ATP13A5: variants seen among roughly 807,000 people sequenced by gnomAD.
ATP13A5 encodes the protein probable cation-transporting ATPase 13A5.
A neutral mutation model predicts 150.2 loss-of-function variants in ATP13A5; 149 were observed. The ratio of observed to expected loss-of-function variants is 0.99; its 90% CI spans 0.87 to 1.14. The LOEUF (loss-of-function observed/expected upper bound fraction) is 1.14, where lower values mean the gene tolerates loss of function less well. Ranked by LOEUF, ATP13A5 falls within the 50% of genes most tolerant of loss-of-function variation. The pLI is 0.00. For synonymous variants in ATP13A5, 497 were observed against 522.2 expected (o/e 0.95, Z 0.66); for missense variants, 1,383 against 1,449.3 (o/e 0.95, Z 0.74).
In ATP13A5 at chr3:193,274,868, G is replaced by T; in HGVS notation, c.*174C>A. Reference sequence around the variant, plus strand: ...TTTTCTCTCATTGGTAAAGCATACAGTCAGAATAAGCCTATCTAAGGTCCC... The same window carrying T: ...TTTTCTCTCATTGGTAAAGCATACATTCAGAATAAGCCTATCTAAGGTCCC... On this transcript the variant is annotated 3_prime_UTR_variant, in exon 30 of 30. Transcript: ENST00000342358. 1 of 820,352 alleles carries T rather than the reference G, an allele frequency of 1.2e-6. No homozygotes were observed. The allele number at this position is 820,352 out of a possible 1,614,324, so 50.8% of individuals were successfully genotyped here.
chr3:193,371,678 G>C (rs1280955024), intron 1 of ATP13A5, among the ~76,000 whole-genome samples: 11 of 152,112 alleles, frequency 7.2e-5, no homozygotes, highest in Admixed American at 7.2e-4. Context: ...CCTTACCACA[G>C]GGCATCTTCC....
intron 21 of ATP13A5, among the ~76,000 whole-genome samples, chr3:193,307,864 G>A (rs2108847397): frequency 6.6e-6 from 1 of 152,308 alleles, no homozygotes; most frequent in East Asian, 1.9e-4. Context: ...ATGCATGTCA[G>A]GGTGAAAATA....
chr3:193,332,821 G>A (rs915333287), intron 11 of ATP13A5, among the ~76,000 whole-genome samples: 2 of 152,110 alleles, frequency 1.3e-5, no homozygotes, highest in Admixed American at 1.3e-4. Flanking sequence ...TGTATTGGAT[G>A]TTAAGTTCTT....
intron 9 of ATP13A5, among the ~76,000 whole-genome samples, chr3:193,340,938 T>C (rs142891152): frequency 9.1e-4 from 139 of 152,282 alleles, no homozygotes; most frequent in Non-Finnish European, 1.4e-3. Flanking sequence ...TAAATATCTG[T>C]AGAATGAGTG....
chr3:193,302,545 A>G (rs567279071), intron 23 of ATP13A5, among the ~76,000 whole-genome samples: 1 of 152,320 alleles, frequency 6.6e-6, no homozygotes, highest in South Asian at 2.1e-4. Flanking sequence ...CTCCAAAATT[A>G]CTGCTATTCC....
Position 193,285,050 on chromosome 3 carries a change from T to C in ATP13A5, c.3090A>G (p.Gly1030=), listed in dbSNP as rs1292164234. The C allele has an allele frequency of 6.2e-7, 1 of 1,614,082 alleles. No individual in the cohort carries two copies. Among genetic ancestry groups the C allele is most frequent in the Admixed American group, 1.7e-5 (1 of 60,018 alleles). The change falls in exon 27 of 30, where the codon GGA becomes GGG. Residue 1030 remains glycine, a synonymous_variant. Transcript: ENST00000342358. ...TTGAACCAGGAATCAGAGTTGCATT[T>C]CCAGTCCAGTTTCTTTCCAAACTCA... ...TNVSLERNWT[G]NATLIPGSIL...
Position 193,314,971 on chromosome 3 carries a change from C to A in ATP13A5, c.2158+1G>T. 1.2e-6 allele frequency: 2 copies of A among 1,612,160 alleles called. No individual in the cohort carries two copies. Among genetic ancestry groups the A allele is most frequent in the South Asian group, 2.2e-5 (2 of 90,950 alleles). The stretch of plus-strand genomic sequence containing the variant: ...CCAGGCCCCTAGAAACAAATACATA[C>A]CTGTAATCATCACAGTCCTGATACG... On this transcript the variant is annotated splice_donor_variant, in intron 18 of 29. Transcript: ENST00000342358. LOFTEE classifies it high-confidence loss of function.
intron 1 of ATP13A5, among the ~76,000 whole-genome samples, chr3:193,375,551 TA>T (rs1713612215): frequency 6.6e-6 from 1 of 152,086 alleles, no homozygotes; most frequent in Non-Finnish European, 1.5e-5. Context: ...AAAAGGAACC[TA>T]TTAGAGCTAG....
chr3:193,307,723 A>G (rs1304180234), intron 21 of ATP13A5, among the ~76,000 whole-genome samples: 1 of 152,232 alleles, frequency 6.6e-6, no homozygotes, highest in East Asian at 1.9e-4. Flanking sequence ...AACCTAATGC[A>G]GAGATCATAA....
At chr3:193,281,699 C>T (rs1274627934) in intron 27 of ATP13A5, among the ~76,000 whole-genome samples, 1 of 152,108 alleles carries the variant, frequency 6.6e-6, no homozygotes, top group Non-Finnish European at 1.5e-5. Flanking sequence ...AGGCTTTTGA[C>T]TTATAACCTG....
chr3:193,344,498 C>A (rs577343285), intron 8 of ATP13A5, among the ~76,000 whole-genome samples: 176 of 152,286 alleles, frequency 1.2e-3, no homozygotes, highest in Middle Eastern at 0.01. Flanking sequence ...GCCACTCCAC[C>A]TCTGACTAGC....
intron 12 of ATP13A5, among the ~76,000 whole-genome samples, chr3:193,329,038 C>T (rs970873179): frequency 1.3e-5 from 2 of 151,706 alleles, no homozygotes; most frequent in African/African-American, 4.8e-5. Context: ...CGAGGTCAAG[C>T]GATCAAGACC....
chr3:193,322,420 A>T, intron 15 of ATP13A5, 71 bp downstream of exon 15: 1 of 1,187,258 alleles, frequency 8.4e-7, no homozygotes, highest in Non-Finnish European at 1.2e-6. Context: ...CTATAAAAAT[A>T]TGTGCAAGTC....
intron 21 of ATP13A5, among the ~76,000 whole-genome samples, chr3:193,308,465 A>G (rs1718707034): frequency 6.6e-6 from 1 of 152,010 alleles, no homozygotes; most frequent in African/African-American, 2.4e-5. Context: ...TCTCAAAAAC[A>G]AAAAAAAGTC....
intron 27 of ATP13A5, among the ~76,000 whole-genome samples, chr3:193,283,036 T>C (rs1717566378): frequency 6.6e-6 from 1 of 152,072 alleles, no homozygotes; most frequent in African/African-American, 2.4e-5. Context: ...TAGACTGATA[T>C]TTAAAAACAA....
chr3:193,331,102 C>A (rs1309304599), intron 12 of ATP13A5, 21 bp downstream of exon 12: 3 of 1,607,214 alleles, frequency 1.9e-6, no homozygotes, highest in Non-Finnish European at 2.6e-6. Context: ...TAACATTAAA[C>A]CTGAGAAGTC....
intron 23 of ATP13A5, among the ~76,000 whole-genome samples, chr3:193,303,821 A>G (rs955395756): frequency 6.6e-6 from 1 of 151,744 alleles, no homozygotes. Flanking sequence ...ACACACACAC[A>G]TATTTATATA....
chr3:193,351,306 A>G (rs1457935598), intron 6 of ATP13A5, 105 bp from the exon 7 acceptor site: 1 of 1,283,876 alleles, frequency 7.8e-7, no homozygotes, highest in Non-Finnish European at 1.1e-6. Context: ...TACAACATAC[A>G]CAAACCTCTA....
At chr3:193,347,538 T>TTTTTTTTTTTTTTTTTA (rs1712394346) in intron 7 of ATP13A5, among the ~76,000 whole-genome samples, 1 of 151,970 alleles carries the variant, frequency 6.6e-6, no homozygotes, top group African/African-American at 2.4e-5. Flanking sequence ...TTTTTTTGCT[T>TTTTTTTTTTTTTTTTTA]AGAAACTCGT....
Sources: allele counts gnomAD v4.1 joint callset (sites outside exome capture counted in the v4.1 genomes callset), GRCh38; gene constraint gnomAD v4.1.1; transcripts MANE v1.5; gene names NCBI Gene and HGNC (gene_info 2026-07-23, HGNC 2026-07-21).